CSMD3: variants seen among roughly 807,000 people sequenced by gnomAD.
The protein encoded by CSMD3 is CUB and sushi domain-containing protein 3.
In CSMD3, 177 loss-of-function variants were observed where a neutral mutation model predicts 435.2. The ratio of observed to expected loss-of-function variants is 0.41; its 90% CI spans 0.36 to 0.46. The LOEUF (loss-of-function observed/expected upper bound fraction) is 0.46, where lower values mean the gene tolerates loss of function less well. Ranked by LOEUF, CSMD3 falls within the 20% of genes least tolerant of loss-of-function variation. CSMD3 has a pLI of 0.34. For synonymous variants in CSMD3, 1,656 were observed against 1,520.5 expected (o/e 1.09, Z -2.07); for missense variants, 4,265 against 4,504.6 (o/e 0.95, Z 1.52).
intron 13 of CSMD3, among the ~76,000 whole-genome samples, chr8:112,783,424 G>GGGAAGGAAGGAAGGAAGGAA (rs1256764715): frequency 2.1e-4 from 12 of 56,928 alleles, no homozygotes; most frequent in South Asian, 1.1e-3. Context: ...GAGGGAGGGA[G>GGGAAGGAAGGAAGGAAGGAA]GGAAGGAAGG....
chr8:113,236,155 A>C (rs2093146114), intron 3 of CSMD3, among the ~76,000 whole-genome samples: 1 of 152,198 alleles, frequency 6.6e-6, no homozygotes, highest in African/African-American at 2.4e-5. Context: ...CTAATGATAC[A>C]TATGTTACAT....
intron 10 of CSMD3, among the ~76,000 whole-genome samples, chr8:112,869,838 C>G (rs2081081347): frequency 6.6e-6 from 1 of 152,050 alleles, no homozygotes; most frequent in African/African-American, 2.4e-5. Context: ...ACAATGAGAA[C>G]ACATGGACAC....
At chr8:112,277,349 T>A in intron 59 of CSMD3, among the ~76,000 whole-genome samples, 1 of 152,134 alleles carries the variant, frequency 6.6e-6, no homozygotes, top group East Asian at 1.9e-4. Context: ...CCAGTCTCTT[T>A]ACTAAAACGT....
At chr8:113,198,029 ATGT>A (rs1372232857) in intron 3 of CSMD3, among the ~76,000 whole-genome samples, 1 of 151,386 alleles carries the variant, frequency 6.6e-6, no homozygotes, top group Non-Finnish European at 1.5e-5. Flanking sequence ...AAACCAATTA[ATGT>A]TGGGATAATC....
chr8:112,513,989 A>G (rs1351554945), intron 28 of CSMD3, among the ~76,000 whole-genome samples: 3 of 152,142 alleles, frequency 2.0e-5, no homozygotes, highest in Non-Finnish European at 4.4e-5. Flanking sequence ...AAGAAAATTT[A>G]TTACATATAG....
chr8:112,554,578 C>T (rs1827958478), intron 25 of CSMD3, among the ~76,000 whole-genome samples: 1 of 151,782 alleles, frequency 6.6e-6, no homozygotes, highest in South Asian at 2.1e-4. Flanking sequence ...GAGAATTTTG[C>T]ACTATATTGC....
intron 4 of CSMD3, among the ~76,000 whole-genome samples, chr8:113,116,748 A>G (rs944908870): frequency 6.6e-6 from 1 of 152,178 alleles, no homozygotes; most frequent in African/African-American, 2.4e-5. Context: ...AGAGTTGTGA[A>G]TGGCTTTGAC....
intron 6 of CSMD3, 94 bp from the exon 7 acceptor site, chr8:112,976,242 A>C: frequency 7.2e-7 from 1 of 1,393,910 alleles, no homozygotes; most frequent in Non-Finnish European, 9.9e-7. Flanking sequence ...CTCTTCTATT[A>C]CCTTAAGGAT....
intron 13 of CSMD3, among the ~76,000 whole-genome samples, chr8:112,766,091 G>T (rs2132170666): frequency 6.6e-6 from 1 of 151,780 alleles, no homozygotes; most frequent in East Asian, 1.9e-4. Flanking sequence ...TTGTATTGAA[G>T]AAAAGGTCTC....
At chr8:112,975,311 A>C (rs1451134459) in intron 7 of CSMD3, among the ~76,000 whole-genome samples, 1 of 152,120 alleles carries the variant, frequency 6.6e-6, no homozygotes, top group Non-Finnish European at 1.5e-5. Flanking sequence ...CAGGCAAAGA[A>C]TAAGCTATGT....
At chr8:112,760,777 C>G (rs1477000313) in intron 13 of CSMD3, among the ~76,000 whole-genome samples, 1 of 152,100 alleles carries the variant, frequency 6.6e-6, no homozygotes, top group Non-Finnish European at 1.5e-5. Flanking sequence ...TGAGGCAGAA[C>G]AGCCAGGCCA....
intron 5 of CSMD3, among the ~76,000 whole-genome samples, chr8:113,031,450 T>C (rs2087106004): frequency 6.6e-6 from 1 of 151,602 alleles, no homozygotes; most frequent in East Asian, 1.9e-4. Flanking sequence ...TCATATAACA[T>C]TCTTGGAATG....
chr8:112,355,006 C>T (rs1213558954), intron 38 of CSMD3, among the ~76,000 whole-genome samples: 2 of 152,136 alleles, frequency 1.3e-5, no homozygotes, highest in Non-Finnish European at 2.9e-5. Flanking sequence ...GAAACAGACA[C>T]AACGATGGAT....
intron 32 of CSMD3, 46 bp from the exon 33 acceptor site, chr8:112,409,078 A>C: frequency 6.2e-7 from 1 of 1,612,370 alleles, no homozygotes; most frequent in Non-Finnish European, 8.5e-7. Context: ...CCAACCATCC[A>C]AAAACGAAAA....
Position 112,249,052 on chromosome 8 carries a change from G to C in CSMD3, c.10111-1921C>G, listed in dbSNP as rs1815022638. Among the ~76,000 whole-genome samples, 3 of 152,014 alleles carry C rather than the reference G, an allele frequency of 2.0e-5. No homozygotes were observed. The South Asian group carries it at 6.2e-4, about 31-fold the overall frequency. The stretch of plus-strand genomic sequence containing the variant: ...GGTTTTGATTTTTCAGTATGGGCTA[G>C]ATTATGTTATATACAGTTTGCAGTT... On this transcript the variant is annotated intron_variant, in intron 63 of 70. Coordinates refer to ENST00000297405, the MANE Select transcript of CSMD3 (RefSeq NM_198123.2).
intron 3 of CSMD3, among the ~76,000 whole-genome samples, chr8:113,208,131 T>C (rs528553152): frequency 6.6e-6 from 1 of 152,178 alleles, no homozygotes; most frequent in Non-Finnish European, 1.5e-5. Flanking sequence ...CAAAATAATA[T>C]AATTGAATGA....
At chr8:113,288,053 CTT>C (rs1563654881) in intron 2 of CSMD3, among the ~76,000 whole-genome samples, 2 of 151,852 alleles carry the variant, frequency 1.3e-5, no homozygotes, top group African/African-American at 4.8e-5. Context: ...TATTTTCACT[CTT>C]TTTGTTACAA....
chr8:112,829,782 T>C lies in CSMD3; in HGVS notation c.1763A>G (p.Gln588Arg). 1 of 1,595,382 alleles carries C rather than the reference T, an allele frequency of 6.3e-7. No homozygotes were observed. The change falls in exon 12 of 71, where the codon CAG becomes CGG. Residue 588 changes from glutamine (Q) to arginine (R), a missense_variant. By Grantham distance (43) the Gln-to-Arg change is conservative. Coordinates refer to ENST00000297405, the MANE Select transcript of CSMD3 (RefSeq NM_198123.2). The stretch of plus-strand genomic sequence containing the variant: ...CAGATCAAATTCTTCAAAATTTATC[T>C]GGATAACCTAGCAGTAAACAGAAAC... ...ITAVNTNKVI[Q>R]INFEEFDLEI...
intron 4 of CSMD3, among the ~76,000 whole-genome samples, chr8:113,163,635 T>C (rs2092090728): frequency 1.3e-5 from 2 of 152,072 alleles, no homozygotes; most frequent in Admixed American, 1.3e-4. Context: ...TTGATTCTGT[T>C]TTCAGATGAC....
Sources: allele counts gnomAD v4.1 joint callset (sites outside exome capture counted in the v4.1 genomes callset), GRCh38; gene constraint gnomAD v4.1.1; transcripts MANE v1.5; gene names NCBI Gene and HGNC (gene_info 2026-07-23, HGNC 2026-07-21).